The following CRYBG1 variants were observed in gnomAD, a reference collection of about 807,000 sequenced individuals.
CRYBG1 encodes crystallin beta-gamma domain containing 1.
In CRYBG1, 139 loss-of-function variants were observed where a neutral mutation model predicts 189.2. The ratio of observed to expected loss-of-function variants is 0.73; its 90% CI spans 0.64 to 0.85. The LOEUF (loss-of-function observed/expected upper bound fraction) is 0.85. CRYBG1 is among the 40% of genes least tolerant of loss of function. The probability of loss-of-function intolerance (pLI) is 0.00; values close to 1 mark genes in which losing one functional copy is unlikely to be tolerated. For missense variants in CRYBG1, 2,611 were observed against 2,675.8 expected (o/e 0.98, Z 0.53); for synonymous variants, 1,023 against 1,017.1 (o/e 1.01, Z -0.11).
intron 17 of CRYBG1, among the ~76,000 whole-genome samples, chr6:106,557,848 A>G (rs1774592005): frequency 1.3e-5 from 2 of 152,344 alleles, no homozygotes; most frequent in African/African-American, 2.4e-5. Flanking sequence ...CCAACTTTTC[A>G]TTTTCCTGAA....
At chr6:106,363,192 C>A (rs1162614785) in intron 1 of CRYBG1, among the ~76,000 whole-genome samples, 1 of 138,000 alleles carries the variant, frequency 7.2e-6, no homozygotes, top group Non-Finnish European at 1.5e-5. Flanking sequence ...TGCAGTGAGT[C>A]GAGATCGCGC....
chr6:106,438,884 G>C (rs181050026), intron 1 of CRYBG1, among the ~76,000 whole-genome samples: 3 of 152,072 alleles, frequency 2.0e-5, no homozygotes, highest in African/African-American at 7.2e-5. Flanking sequence ...AGCATAAATT[G>C]TAACTGTTAA....
chr6:106,457,851 A>G (rs1281322942), intron 2 of CRYBG1, among the ~76,000 whole-genome samples: 5 of 152,204 alleles, frequency 3.3e-5, no homozygotes. Flanking sequence ...CAGGTCAAAT[A>G]CACTTAGGGG....
intron 2 of CRYBG1, among the ~76,000 whole-genome samples, chr6:106,507,287 G>C (rs1773152458): frequency 6.6e-6 from 1 of 152,240 alleles, no homozygotes; most frequent in South Asian, 2.1e-4. Flanking sequence ...CTCCGTCCCA[G>C]TTGGACATGG....
intron 2 of CRYBG1, among the ~76,000 whole-genome samples, chr6:106,476,851 ATATC>A (rs1485437567): frequency 6.6e-6 from 1 of 152,240 alleles, no homozygotes; most frequent in African/African-American, 2.4e-5. Context: ...TTTTAAAGTC[ATATC>A]TGCTCAGGTT....
intron 2 of CRYBG1, among the ~76,000 whole-genome samples, chr6:106,492,966 T>A: frequency 7.6e-6 from 1 of 131,152 alleles, no homozygotes; most frequent in East Asian, 2.4e-4. Flanking sequence ...CTTTTTCTAT[T>A]TTTAATTTTT....
At chr6:106,388,412 C>A (rs1268298087) in intron 1 of CRYBG1, among the ~76,000 whole-genome samples, 1 of 152,128 alleles carries the variant, frequency 6.6e-6, no homozygotes. Flanking sequence ...TCCCTCTACC[C>A]CCAGCCCAGA....
chr6:106,462,111 C>A (rs1337923612), intron 2 of CRYBG1, among the ~76,000 whole-genome samples: 1 of 152,006 alleles, frequency 6.6e-6, no homozygotes, highest in Non-Finnish European at 1.5e-5. Flanking sequence ...TATTAAGATA[C>A]TCATTTAGCT....
chr6:106,481,432 C>A (rs1224359644), intron 2 of CRYBG1, among the ~76,000 whole-genome samples: 5 of 152,182 alleles, frequency 3.3e-5, no homozygotes, highest in Non-Finnish European at 7.3e-5. Context: ...ACACTTGCCA[C>A]CCCATGCTGG....
intron 1 of CRYBG1, among the ~76,000 whole-genome samples, chr6:106,377,701 A>G (rs1770200590): frequency 6.6e-6 from 1 of 150,906 alleles, no homozygotes; most frequent in African/African-American, 2.5e-5. Flanking sequence ...TTTTTAACCT[A>G]TTTTTAAATA....
chr6:106,485,246 T>A (rs1772573529), intron 2 of CRYBG1, among the ~76,000 whole-genome samples: 1 of 152,232 alleles, frequency 6.6e-6, no homozygotes, highest in African/African-American at 2.4e-5. Context: ...ATCTTAATTT[T>A]TTGTAGCTAT....
intron 1 of CRYBG1, among the ~76,000 whole-genome samples, chr6:106,386,219 A>G (rs755551215): frequency 1.4e-4 from 21 of 152,192 alleles, no homozygotes; most frequent in Non-Finnish European, 2.8e-4. Context: ...TGGCAGTCTT[A>G]TAGTCTTCTG....
chr6:106,374,908 TGA>T (rs998400245), intron 1 of CRYBG1, among the ~76,000 whole-genome samples: 2 of 152,092 alleles, frequency 1.3e-5, no homozygotes, highest in African/African-American at 4.8e-5. Flanking sequence ...AAAGCAGGAA[TGA>T]GAGAGAGAAA....
intron 3 of CRYBG1, among the ~76,000 whole-genome samples, chr6:106,513,398 C>G (rs1299027641): frequency 1.3e-5 from 2 of 152,158 alleles, no homozygotes; most frequent in East Asian, 3.8e-4. Context: ...GTGGGATGTT[C>G]TTAAAATGCA....
intron 21 of CRYBG1, among the ~76,000 whole-genome samples, chr6:106,566,758 T>C (rs957505909): frequency 2.0e-5 from 3 of 152,056 alleles, no homozygotes; most frequent in African/African-American, 7.2e-5. Flanking sequence ...CAAAGGAAAA[T>C]ATAAACACGT....
intron 2 of CRYBG1, among the ~76,000 whole-genome samples, chr6:106,476,149 A>G (rs17067084): frequency 0.11 from 16,697 of 152,258 alleles, 1,177 homozygotes; most frequent in African/African-American, 0.19. Flanking sequence ...CCAAAATTCA[A>G]CCTGTGGAAT....
intron 2 of CRYBG1, among the ~76,000 whole-genome samples, chr6:106,486,073 C>T (rs979676652): frequency 6.6e-6 from 1 of 152,068 alleles, no homozygotes; most frequent in Non-Finnish European, 1.5e-5. Flanking sequence ...AATCTTTCCT[C>T]TTTTTTGTTG....
At chr6:106,469,354 T>C (rs1772182005) in intron 2 of CRYBG1, among the ~76,000 whole-genome samples, 1 of 152,240 alleles carries the variant, frequency 6.6e-6, no homozygotes, top group Admixed American at 6.5e-5. Context: ...TCCTGCTTGC[T>C]TGTTGTCTTT....
In CRYBG1 at chr6:106,460,781, GTTGTTTTGTT is replaced by G. The variant is rs553616525; in HGVS notation, c.312+8962_312+8971del. Among the ~76,000 whole-genome samples, 16 of 152,126 alleles carry G rather than the reference GTTGTTTTGTT, an allele frequency of 1.1e-4. No homozygotes were observed. The East Asian group carries it at 3.1e-3, about 29-fold the overall frequency. ...CTGCGACTTTCAATCCCTTTGTTTT[GTTGTTTTGTT>G]TTGTTTTGTTTTCTTGAGACAGTCT... On this transcript the variant is annotated intron_variant, in intron 2 of 21. Transcript: ENST00000633556.
Sources: allele counts gnomAD v4.1 joint callset (sites outside exome capture counted in the v4.1 genomes callset), GRCh38; gene constraint gnomAD v4.1.1; transcripts MANE v1.5; gene names NCBI Gene and HGNC (gene_info 2026-07-23, HGNC 2026-07-21).